GSG1L: variants seen among roughly 807,000 people sequenced by gnomAD.
The protein encoded by GSG1L is germ cell-specific gene 1-like protein.
A neutral mutation model predicts 42.1 loss-of-function variants in GSG1L; 24 were observed. That is an observed-to-expected ratio of 0.57 (90% confidence interval 0.41 to 0.80). The LOEUF is 0.80. Among genes scored for constraint, GSG1L ranks in the 30% least tolerant of loss-of-function variants. The pLI is 0.00. For missense variants in GSG1L, 445 were observed against 472.2 expected, an observed-to-expected ratio of 0.94 and a Z score of 0.53; for synonymous variants, 215 against 203.5, an observed-to-expected ratio of 1.06 and a Z score of -0.48.
chr16:28,016,751 C>A lies in GSG1L; in HGVS notation c.349+46325G>T, dbSNP rs187350188. On this transcript the variant is annotated intron_variant, in intron 1 of 6. Coordinates refer to ENST00000447459, the MANE Select transcript of GSG1L (RefSeq NM_001109763.2). ...ATTGTGCTAAATGACTTATTCACCC[C>A]CTCTCTGCACAATTATCTACTGGTG... Among the ~76,000 whole-genome samples the A allele has an allele frequency of 3.6e-3, 541 of 152,246 alleles. 2 individuals are homozygous for A. Among genetic ancestry groups the A allele is most frequent in the Admixed American group, 6.7e-3 (102 of 15,298 alleles).
At chr16:27,867,053 C>T (rs1416313808) in intron 3 of GSG1L, among the ~76,000 whole-genome samples, 1 of 152,200 alleles carries the variant, frequency 6.6e-6, no homozygotes, top group East Asian at 1.9e-4. Flanking sequence ...TCCTCTCCTA[C>T]CACAGTTTCT....
At chr16:27,811,779 T>A (rs2083034365) in intron 5 of GSG1L, among the ~76,000 whole-genome samples, 1 of 152,112 alleles carries the variant, frequency 6.6e-6, no homozygotes, top group Non-Finnish European at 1.5e-5. Flanking sequence ...CTCCCAAGTA[T>A]CTGGAATTAC....
chr16:27,903,807 C>G (rs912518530), intron 2 of GSG1L, among the ~76,000 whole-genome samples: 1 of 151,934 alleles, frequency 6.6e-6, no homozygotes, highest in African/African-American at 2.4e-5. Context: ...AAGACAGAGA[C>G]CCCCCACCAA....
At chr16:28,022,421 G>A (rs1038449196) in intron 1 of GSG1L, among the ~76,000 whole-genome samples, 2 of 151,976 alleles carry the variant, frequency 1.3e-5, no homozygotes, top group Non-Finnish European at 2.9e-5. Flanking sequence ...AACCTCCTAG[G>A]CTCAAGTGGT....
At chr16:28,014,535 G>A (rs1212412841) in intron 1 of GSG1L, among the ~76,000 whole-genome samples, 2 of 151,838 alleles carry the variant, frequency 1.3e-5, no homozygotes, top group Non-Finnish European at 2.9e-5. Flanking sequence ...ACAGGGTCTC[G>A]CTCTGTCACC....
intron 3 of GSG1L, among the ~76,000 whole-genome samples, chr16:27,853,364 GA>G (rs2083537733): frequency 6.6e-6 from 1 of 152,188 alleles, no homozygotes; most frequent in African/African-American, 2.4e-5. Context: ...ACCCTCTTGA[GA>G]ACCCGAAGCC....
At chr16:27,977,454 C>T (rs1385376497) in intron 1 of GSG1L, among the ~76,000 whole-genome samples, 1 of 149,198 alleles carries the variant, frequency 6.7e-6, no homozygotes, top group Non-Finnish European at 1.5e-5. Flanking sequence ...CACCTGTAGT[C>T]GAGGCTGAGG....
At chr16:27,845,628 C>T (rs1187670927) in intron 3 of GSG1L, among the ~76,000 whole-genome samples, 2 of 152,094 alleles carry the variant, frequency 1.3e-5, no homozygotes, top group Admixed American at 6.5e-5. Flanking sequence ...TGTAGACTTT[C>T]CACTCTTTTA....
intron 3 of GSG1L, among the ~76,000 whole-genome samples, chr16:27,847,669 T>G (rs2083459184): frequency 6.6e-6 from 1 of 152,182 alleles, no homozygotes; most frequent in African/African-American, 2.4e-5. Context: ...AGGGGCCTGG[T>G]GGGACGTGAC....
chr16:27,916,553 C>A (rs941703268), intron 2 of GSG1L, among the ~76,000 whole-genome samples: 1 of 149,758 alleles, frequency 6.7e-6, no homozygotes, highest in Non-Finnish European at 1.5e-5. Flanking sequence ...AGACTCCTGG[C>A]CTCAAATAAT....
At position 27,793,082 on chromosome 16, in the gene GSG1L, A is replaced by G. The variant is rs191813692; in HGVS notation, c.899-1615T>C. Among the ~76,000 whole-genome samples, 1,323 of 152,360 alleles carry G rather than the reference A, an allele frequency of 8.7e-3. 13 individuals carry two copies. The highest frequency in any genetic ancestry group is 0.011 in the Non-Finnish European group (770 of 68,044). On this transcript the variant is annotated intron_variant, in intron 6 of 6. Coordinates refer to ENST00000447459, the MANE Select transcript of GSG1L (RefSeq NM_001109763.2). ...CTTTAGGGTCAGACAGGCTCTTGGC[A>G]GAAAGCCCATTGAGGTGGGAATTCC...
intron 4 of GSG1L, among the ~76,000 whole-genome samples, chr16:27,843,958 G>T (rs971154337): frequency 3.9e-5 from 6 of 152,280 alleles, no homozygotes; most frequent in African/African-American, 2.4e-5. Context: ...GCCTTAGGAA[G>T]AGCTCTCCCC....
At chr16:27,808,152 G>A (rs555983849) in intron 5 of GSG1L, among the ~76,000 whole-genome samples, 2 of 151,662 alleles carry the variant, frequency 1.3e-5, no homozygotes, top group Non-Finnish European at 2.9e-5. Context: ...TAGCACAATC[G>A]GAGCTTGCTG....
Position 27,946,633 on chromosome 16 carries a change from A to AAGAGAGAG in GSG1L, c.397+16522_397+16523insCTCTCTCT, listed in dbSNP as rs1220228904. On this transcript the variant is annotated intron_variant, in intron 2 of 6. Transcript: ENST00000447459. Reference sequence around the variant, plus strand: ...AGAGAGAGAGAGAGAGAGAGAGAGAAAGAAAGAAAGAAAGAAAGAAAGAAA... The same window carrying AAGAGAGAG: ...AGAGAGAGAGAGAGAGAGAGAGAGAAAGAGAGAGAGAAAGAAAGAAAGAAAGAAAGAAA... Among the ~76,000 whole-genome samples the AAGAGAGAG allele has an allele frequency of 3.3e-4, 11 of 33,322 alleles. 2 individuals carry two copies. Among genetic ancestry groups the AAGAGAGAG allele is most frequent in the African/African-American group, 1.3e-3 (11 of 8,306 alleles). 21.9% of individuals were successfully genotyped at this position (33,322 alleles called of 152,430 possible). A position where few individuals can be genotyped will look rare whatever the true frequency, so the allele number is the denominator to read the frequency against.
At chr16:28,047,212 A>G (rs2086171334) in intron 1 of GSG1L, among the ~76,000 whole-genome samples, 1 of 152,224 alleles carries the variant, frequency 6.6e-6, no homozygotes, top group African/African-American at 2.4e-5. Flanking sequence ...TGAATAAAAA[A>G]CAGAATTCAA....
At position 27,990,716 on chromosome 16, in the gene GSG1L, C is replaced by T. The variant is rs1030625935; in HGVS notation, c.350-27513G>A. 3.9e-5 allele frequency among the ~76,000 whole-genome samples: 6 copies of T among 152,342 alleles called. No individual in the cohort carries two copies. In the East Asian group the frequency reaches 9.6e-4, roughly 24 times the overall value. ...TTTTGATGACGAATCTGTGACTTGGCTTCCTAAATCCAGACCTTTAAAAGT... is the reference window on the plus strand; with the variant it reads ...TTTTGATGACGAATCTGTGACTTGGTTTCCTAAATCCAGACCTTTAAAAGT... On this transcript the variant is annotated intron_variant, in intron 1 of 6. Transcript: ENST00000447459.
chr16:27,960,423 T>A (rs2141105022), intron 2 of GSG1L, among the ~76,000 whole-genome samples: 1 of 152,224 alleles, frequency 6.6e-6, no homozygotes, highest in Non-Finnish European at 1.5e-5. Flanking sequence ...AGTGCCAGTG[T>A]CGCGATTATC....
intron 5 of GSG1L, among the ~76,000 whole-genome samples, chr16:27,812,402 T>C (rs928074997): frequency 1.3e-5 from 2 of 152,330 alleles, no homozygotes; most frequent in South Asian, 4.1e-4. Context: ...ACAGTAAATA[T>C]GTGAGGCTTT....
chr16:27,842,179 C>A (rs990515966), intron 4 of GSG1L, among the ~76,000 whole-genome samples: 1 of 149,840 alleles, frequency 6.7e-6, no homozygotes, highest in African/African-American at 2.5e-5. Context: ...CGATGTCGCG[C>A]GTGCCGAATT....
Sources: allele counts gnomAD v4.1 joint callset (sites outside exome capture counted in the v4.1 genomes callset), GRCh38; gene constraint gnomAD v4.1.1; transcripts MANE v1.5; gene names NCBI Gene and HGNC (gene_info 2026-07-23, HGNC 2026-07-21).